Variants in PDE6A observed in about 807,000 individuals in gnomAD.
PDE6A encodes the protein phosphodiesterase 6A.
Under a neutral mutation model 106.3 loss-of-function variants are expected in PDE6A, and 84 were observed. That is an observed-to-expected ratio of 0.79 (90% CI 0.66 to 0.95). The LOEUF is 0.95. Among genes scored for constraint, PDE6A ranks in the 40% least tolerant of loss-of-function variants. The pLI, the probability that PDE6A is intolerant of heterozygous loss-of-function variation, is 0.00. For synonymous variants in PDE6A, 394 were observed against 386.6 expected (o/e 1.02, Z -0.23); for missense variants, 1,052 against 1,084.9 (o/e 0.97, Z 0.43).
chr5:149,902,619 G>C (rs1181998385), intron 8 of PDE6A, among the ~76,000 whole-genome samples: 1 of 151,924 alleles, frequency 6.6e-6, no homozygotes, highest in Non-Finnish European at 1.5e-5. Flanking sequence ...TCAGGAGTTC[G>C]AGACCAATCT....
Position 149,885,243 on chromosome 5 carries a change from A to G in PDE6A, c.1839-376T>C, listed in dbSNP as rs183830944. On this transcript the variant is annotated intron_variant, in intron 14 of 21. Transcript: ENST00000255266. ...GCCACACACTGTGCTAAGTATTTAGATTCTCAAAATGTAAAATGTAAACCC... is the reference window on the plus strand; with the variant it reads ...GCCACACACTGTGCTAAGTATTTAGGTTCTCAAAATGTAAAATGTAAACCC... Among the ~76,000 whole-genome samples, 28 of 152,364 alleles carry G rather than the reference A, an allele frequency of 1.8e-4. 1 individual carries two copies. The highest frequency in any genetic ancestry group is 1.5e-3 in the Admixed American group (23 of 15,306).
In PDE6A at chr5:149,863,211, T is replaced by G; in HGVS notation, c.2414A>C (p.Asn805Thr). 1 of 1,614,196 alleles carries G rather than the reference T, an allele frequency of 6.2e-7. No individual in the cohort carries two copies. Among genetic ancestry groups the G allele is most frequent in the East Asian group, 2.2e-5 (1 of 44,880 alleles). ...AGCAAGCGCCTTCCACTCCTTGCGA[T>G]TGTTGGTGATCCCGTCCAACATTGG... ...ITPMLDGITN[N>T]RKEWKALADE... The change falls in exon 21 of 22, where the codon AAT (asparagine) becomes ACT (threonine). Residue 805 changes from asparagine to threonine, a missense_variant. Physicochemically the swap from Asn to Thr is moderately conservative, Grantham distance 65. Coordinates refer to ENST00000255266, the MANE Select transcript of PDE6A (RefSeq NM_000440.3). The surrounding 1 kb of genome is among the most constrained non-coding windows in gnomAD (Gnocchi z 4.7).
At position 149,863,026 on chromosome 5, in the gene PDE6A, G is replaced by A. The variant is rs1760197225; in HGVS notation, c.2506+93C>T. On this transcript the variant is annotated intron_variant, in intron 21 of 21. Coordinates refer to ENST00000255266, the MANE Select transcript of PDE6A (RefSeq NM_000440.3). This position sits in a 1 kb window ranked among gnomAD's most constrained non-coding sequence, Gnocchi z 4.7. The stretch of plus-strand genomic sequence containing the variant: ...GTATTGGCCATCAGGAGGCCTGAAT[G>A]AGACTCCGTGTAAGAGTCTCTGAGG... 1 of 1,502,344 alleles carries A rather than the reference G, an allele frequency of 6.7e-7. No individual in the cohort carries two copies. The allele number at this position is 1,502,344 out of a possible 1,614,324, so 93.1% of individuals were successfully genotyped here.
At chr5:149,891,206 G>C (rs1283474107) in intron 13 of PDE6A, among the ~76,000 whole-genome samples, 2 of 152,142 alleles carry the variant, frequency 1.3e-5, no homozygotes, top group African/African-American at 4.8e-5. Context: ...GCGGAGGCTG[G>C]TGCCTGTAAT....
chr5:149,913,900 C>T (rs1199216180), intron 6 of PDE6A, among the ~76,000 whole-genome samples: 1 of 152,206 alleles, frequency 6.6e-6, no homozygotes, highest in East Asian at 1.9e-4. Flanking sequence ...TGAGTCTCAG[C>T]TACCTAGATG....
At chr5:149,926,172 T>C (rs1753859269) in intron 4 of PDE6A, among the ~76,000 whole-genome samples, 1 of 151,202 alleles carries the variant, frequency 6.6e-6, no homozygotes, top group Non-Finnish European at 1.5e-5. Context: ...AACCTGGGAG[T>C]TGGAGGTTGC....
chr5:149,910,874 C>CTTTTTTTTTTTTTTT (rs386405293), intron 6 of PDE6A, among the ~76,000 whole-genome samples: 3 of 87,144 alleles, frequency 3.4e-5, no homozygotes, highest in African/African-American at 9.3e-5. Context: ...TTTCTTTTTC[C>CTTTTTTTTTTTTTTT]TTTTTTTTTT....
At chr5:149,910,967 C>T (rs949392386) in intron 6 of PDE6A, among the ~76,000 whole-genome samples, 1 of 148,912 alleles carries the variant, frequency 6.7e-6, no homozygotes, top group Admixed American at 6.8e-5. Flanking sequence ...GTAGCCTCCA[C>T]CTCCCCGGCT....
At chr5:149,884,394 ATATG>A (rs1338924802) in intron 16 of PDE6A, 81 bp downstream of exon 16, 11 of 802,336 alleles carry the variant, frequency 1.4e-5, no homozygotes, top group Non-Finnish European at 2.4e-5. Flanking sequence ...ATATGTGTAT[ATATG>A]TATATATATG....
intron 4 of PDE6A, among the ~76,000 whole-genome samples, chr5:149,922,935 C>G (rs576066150): frequency 6.6e-6 from 1 of 152,274 alleles, no homozygotes; most frequent in South Asian, 2.1e-4. Flanking sequence ...GCAAACAAAC[C>G]AAAACCCAAT....
At chr5:149,939,124 G>A (rs1025159485) in intron 1 of PDE6A, among the ~76,000 whole-genome samples, 4 of 152,146 alleles carry the variant, frequency 2.6e-5, no homozygotes, top group African/African-American at 4.8e-5. Flanking sequence ...AAGTAAACAC[G>A]TGCAAATACC....
intron 8 of PDE6A, among the ~76,000 whole-genome samples, chr5:149,902,715 G>T (rs1178634123): frequency 1.3e-5 from 2 of 151,746 alleles, no homozygotes; most frequent in Non-Finnish European, 2.9e-5. Flanking sequence ...CCAGCTACTT[G>T]GGAGGCTGAG....
intron 3 of PDE6A, among the ~76,000 whole-genome samples, chr5:149,931,512 T>C (rs1056636774): frequency 1.3e-5 from 2 of 152,220 alleles, no homozygotes; most frequent in African/African-American, 2.4e-5. Flanking sequence ...ATTGCACACA[T>C]ATTAAACTGC....
At chr5:149,875,712 C>T (rs1384587780) in intron 17 of PDE6A, among the ~76,000 whole-genome samples, 1 of 152,060 alleles carries the variant, frequency 6.6e-6, no homozygotes, top group Non-Finnish European at 1.5e-5. Flanking sequence ...TGGCCTCAAA[C>T]CCCTGAGCTC....
intron 6 of PDE6A, among the ~76,000 whole-genome samples, chr5:149,911,639 G>A (rs979300858): frequency 3.9e-5 from 6 of 152,134 alleles, no homozygotes; most frequent in Non-Finnish European, 7.3e-5. Context: ...GAAAGGTAAT[G>A]TATTTCTTTC....
intron 17 of PDE6A, among the ~76,000 whole-genome samples, chr5:149,878,003 G>A (rs918468333): frequency 4.6e-5 from 7 of 152,262 alleles, no homozygotes; most frequent in African/African-American, 9.6e-5. Context: ...TAGTCCCTCC[G>A]TTTGGCTGCC....
intron 1 of PDE6A, among the ~76,000 whole-genome samples, chr5:149,943,161 C>T (rs1248293184): frequency 1.3e-5 from 2 of 152,232 alleles, no homozygotes; most frequent in Admixed American, 6.5e-5. Context: ...GAGGTCCCTG[C>T]GGCCTTCCGC....
chr5:149,921,937 T>C (rs1457580380), intron 4 of PDE6A, among the ~76,000 whole-genome samples: 1 of 152,096 alleles, frequency 6.6e-6, no homozygotes. Flanking sequence ...GCCAAAAACA[T>C]GGGAGCTGAA....
chr5:149,931,036 T>C lies in PDE6A; in HGVS notation c.850A>G (p.Lys284Glu). The change falls in exon 4 of 22, where the codon AAG becomes GAG. Residue 284 changes from lysine (K) to glutamate (E), a missense_variant. Lys to Glu is a moderately conservative substitution (Grantham distance 56). Around this residue, in one of 3 missense-constraint regions of PDE6A, gnomAD observed 913 missense variants for 915.2 expected, o/e 1.00. Transcript: ENST00000255266. ...RYSVGLLDMT[K>E]QKEFFDVWPV... ...TGCTGAAGTTTTCTCACCTTCTGCT[T>C]GGTCATGTCTAAGAGACCCACAGAG... The C allele has an allele frequency of 6.2e-7, 1 of 1,614,120 alleles. No homozygotes were observed. The highest frequency in any genetic ancestry group is 8.5e-7 in the Non-Finnish European group (1 of 1,179,994).
Sources: allele counts gnomAD v4.1 joint callset (sites outside exome capture counted in the v4.1 genomes callset), GRCh38; gene constraint gnomAD v4.1.1; regional missense constraint gnomAD v4.1.1; non-coding constraint Gnocchi (gnomAD v3.1); transcripts MANE v1.5; gene names NCBI Gene and HGNC (gene_info 2026-07-23, HGNC 2026-07-21).